GREB1: variants seen among roughly 807,000 people sequenced by gnomAD.
The protein encoded by GREB1 is growth regulating estrogen receptor binding 1.
Under a neutral mutation model 200.7 loss-of-function variants are expected in GREB1, and 106 were observed. The observed-to-expected ratio is 0.53, with a 90% CI of 0.45 to 0.62. The LOEUF (loss-of-function observed/expected upper bound fraction) is 0.62. Among genes scored for constraint, GREB1 ranks in the 20% least tolerant of loss-of-function variants. The pLI is 0.00. For synonymous variants in GREB1, 1,132 were observed against 1,092.4 expected (o/e 1.04, Z -0.72); for missense variants, 2,243 against 2,556.8 (o/e 0.88, Z 2.65).
chr2:11,516,688 T>A (rs1345565658), intron 1 of GREB1, among the ~76,000 whole-genome samples: 1 of 151,776 alleles, frequency 6.6e-6, no homozygotes, highest in African/African-American at 2.4e-5. Context: ...TTACCCAAGC[T>A]CCCCGCCCCA....
At position 11,629,874 on chromosome 2, in the gene GREB1, AGAGT is replaced by A; in HGVS notation, c.4450-72_4450-69del. On this transcript the variant is annotated intron_variant, in intron 25 of 32. Coordinates refer to ENST00000381486, the MANE Select transcript of GREB1 (RefSeq NM_014668.4). This position sits in a 1 kb window ranked among gnomAD's most constrained non-coding sequence, Gnocchi z 5.2. Reference sequence around the variant, plus strand: ...ACTGTGAGCTGCACGTTGTCACAGCAGAGTGGGCCTGGGGTCTTCTGGGAAGCAG... The same window carrying A: ...ACTGTGAGCTGCACGTTGTCACAGCAGGGCCTGGGGTCTTCTGGGAAGCAG... The A allele has an allele frequency of 6.9e-7, 1 of 1,454,584 alleles. No individual in the cohort carries two copies. Among genetic ancestry groups the A allele is most frequent in the Non-Finnish European group, 9.5e-7 (1 of 1,048,838 alleles). The allele number at this position is 1,454,584 out of a possible 1,614,324, so 90.1% of individuals were successfully genotyped here.
intron 1 of GREB1, among the ~76,000 whole-genome samples, chr2:11,501,905 G>GTTTTT (rs1204074491): frequency 4.9e-5 from 3 of 61,550 alleles, no homozygotes; most frequent in African/African-American, 1.5e-4. Context: ...GTTTTTTTTT[G>GTTTTT]TTTTTTTTTT....
In GREB1 at chr2:11,635,216, C is replaced by T. The variant is rs199765141; in HGVS notation, c.5211-54C>T. The T allele has an allele frequency of 2.8e-3, 4,542 of 1,607,532 alleles. 40 individuals are homozygous for T. Among genetic ancestry groups the T allele is most frequent in the South Asian group, 0.014 (1,283 of 90,348 alleles). ...ACACTCTAGGTGCTGGGGGCAGTGA[C>T]GGAGGGTGTGAGCTGTGCCCCATCA... On this transcript the variant is annotated intron_variant, in intron 29 of 32. Transcript: ENST00000381486.
intron 19 of GREB1, 144 bp from the exon 20 acceptor site, chr2:11,614,947 C>T: frequency 3.1e-6 from 2 of 654,832 alleles, no homozygotes; most frequent in East Asian, 5.3e-5. Context: ...CCCAGTAACA[C>T]TGTTGGCTTT....
intron 29 of GREB1, 152 bp from the exon 30 acceptor site, chr2:11,635,118 C>A: frequency 2.5e-6 from 2 of 814,656 alleles, no homozygotes; most frequent in Admixed American, 2.7e-5. Context: ...CTCATATTTC[C>A]CCTAGAGTAA....
intron 1 of GREB1, among the ~76,000 whole-genome samples, chr2:11,552,173 G>A (rs976635815): frequency 9.9e-5 from 15 of 152,206 alleles, no homozygotes; most frequent in Admixed American, 9.2e-4. Context: ...CTGTTGTTCG[G>A]CCATCATCAC....
intron 11 of GREB1, among the ~76,000 whole-genome samples, chr2:11,593,373 CTG>C (rs1680926067): frequency 6.6e-6 from 1 of 152,122 alleles, no homozygotes; most frequent in South Asian, 2.1e-4. Flanking sequence ...TGGAAAGACC[CTG>C]TTGAAAACCT....
chr2:11,624,751 G>A (rs912786294), intron 23 of GREB1, among the ~76,000 whole-genome samples: 2 of 152,184 alleles, frequency 1.3e-5, no homozygotes, highest in African/African-American at 4.8e-5. Flanking sequence ...ATGTGGCCCA[G>A]GACAGCTTTG....
intron 1 of GREB1, among the ~76,000 whole-genome samples, chr2:11,551,471 T>C (rs996597091): frequency 6.6e-6 from 1 of 152,258 alleles, no homozygotes; most frequent in African/African-American, 2.4e-5. Context: ...ATCATCGGTC[T>C]CTAGCTCTGC....
In GREB1 at chr2:11,635,349, G is replaced by T. The variant is rs758464621; in HGVS notation, c.5290G>T (p.Val1764Leu). The T allele has an allele frequency of 6.2e-7, 1 of 1,614,042 alleles. No individual in the cohort carries two copies. The highest frequency in any genetic ancestry group is 2.2e-5 in the East Asian group (1 of 44,888). Residue 1764 changes from valine to leucine, a missense_variant, in exon 30 of 33, where the codon GTG (valine) becomes TTG (leucine). Val to Leu is a conservative substitution (Grantham distance 32). Transcript: ENST00000381486. Reference sequence around the variant, plus strand: ...GCTCTGCCGGTTCAACCGCTTCAGCGTGATGAAGAAGCAGATCGTGGTGGG... The same window carrying T: ...GCTCTGCCGGTTCAACCGCTTCAGCTTGATGAAGAAGCAGATCGTGGTGGG... ...LLLCRFNRFSVMKKQIVVGGH... is the reference protein window; with the variant it reads ...LLLCRFNRFSLMKKQIVVGGH...
In GREB1 at chr2:11,610,924, C is replaced by T. The variant is rs771302956; in HGVS notation, c.2903C>T (p.Ala968Val). Residue 968 changes from alanine (A) to valine (V), a missense_variant, in exon 18 of 33, where the codon GCC (alanine) becomes GTC (valine). Coordinates refer to ENST00000381486, the MANE Select transcript of GREB1 (RefSeq NM_014668.4). ...PLAVVAYERL[A>V]HVRARLALEE... ...GCGGTGGTGGCCTATGAGCGGCTGGCCCACGTGCGGGCCCGGCTGGCGCTG... is the reference window on the plus strand; with the variant it reads ...GCGGTGGTGGCCTATGAGCGGCTGGTCCACGTGCGGGCCCGGCTGGCGCTG... 5.0e-6 allele frequency: 8 copies of T among 1,611,490 alleles called. No individual in the cohort carries two copies. The African/African-American group carries it at 6.7e-5, about 13-fold the overall frequency.
At chr2:11,562,610 C>T in intron 3 of GREB1, 28 bp downstream of exon 3, 1 of 1,552,768 alleles carries the variant, frequency 6.4e-7, no homozygotes, top group Non-Finnish European at 8.7e-7. Context: ...CCTGGCCAGG[C>T]AGTGCCTGCC....
rs1463230083 is a variant in GREB1, at chr2:11,634,253, C to T, written c.5114C>T (p.Ala1705Val). Residue 1705 changes from alanine to valine, a missense_variant, in exon 29 of 33, where the codon GCC becomes GTC. By Grantham distance (64) the Ala-to-Val change is moderately conservative (BLOSUM62 0). Transcript: ENST00000381486. ...GLRKWSSKTR[A>V]SEVQEPFSRC... ...CGGAAGTGGTCCAGCAAGACCCGGG[C>T]CAGCGAGGTGCAAGAGCCCTTCTCC... 1.9e-6 allele frequency: 3 copies of T among 1,614,186 alleles called. No homozygotes were observed. The South Asian group carries it at 3.3e-5, about 18-fold the overall frequency.
chr2:11,592,976 G>T lies in GREB1; in HGVS notation c.1546G>T (p.Val516Leu). ...GGCCGCCAGCTCCTGCAACGACAGC[G>T]TGCACGTCATCGAGTGTGCTTACTC... ...SLAASSCNDS[V>L]HVIECAYSLA... The change falls in exon 11 of 33, where the codon GTG becomes TTG. Residue 516 changes from valine to leucine, a missense_variant. By Grantham distance (32) the Val-to-Leu change is conservative. Coordinates refer to ENST00000381486, the MANE Select transcript of GREB1 (RefSeq NM_014668.4). 1 of 1,604,220 alleles carries T rather than the reference G, an allele frequency of 6.2e-7. No homozygotes were observed. Among genetic ancestry groups the T allele is most frequent in the Non-Finnish European group, 8.5e-7 (1 of 1,175,188 alleles).
At chr2:11,620,272 C>T (rs1005587706) in intron 22 of GREB1, among the ~76,000 whole-genome samples, 1 of 152,146 alleles carries the variant, frequency 6.6e-6, no homozygotes, top group African/African-American at 2.4e-5. Context: ...AGGAAACCCA[C>T]GCCTGTAGTG....
At chr2:11,578,570 T>C in intron 6 of GREB1, 139 bp downstream of exon 6, 1 of 827,102 alleles carries the variant, frequency 1.2e-6, no homozygotes. Context: ...ACCTTTACTT[T>C]CATCTTGAAT....
chr2:11,606,776 T>G (rs1369340311), intron 17 of GREB1, among the ~76,000 whole-genome samples: 1 of 146,018 alleles, frequency 6.8e-6, no homozygotes, highest in Non-Finnish European at 1.5e-5. Context: ...TTATTATTAT[T>G]ATTATTATTA....
At chr2:11,604,467 A>G (rs1328034752) in intron 17 of GREB1, among the ~76,000 whole-genome samples, 1 of 152,156 alleles carries the variant, frequency 6.6e-6, no homozygotes, top group East Asian at 1.9e-4. Flanking sequence ...CTCCACCACT[A>G]TTCACCATCA....
chr2:11,566,315 C>T (rs952747392), intron 3 of GREB1, among the ~76,000 whole-genome samples, 165 bp from the exon 4 acceptor site: 2 of 152,188 alleles, frequency 1.3e-5, no homozygotes, highest in African/African-American at 4.8e-5. Context: ...CCATGCCCAG[C>T]CAACTAAGAT....
Sources: gnomAD v4.1 joint callset for allele counts (sites outside exome capture counted in the v4.1 genomes callset) on GRCh38, gnomAD v4.1.1 for gene constraint, Gnocchi (gnomAD v3.1) non-coding constraint, MANE v1.5 for transcripts, NCBI Gene and HGNC (gene_info 2026-07-23, HGNC 2026-07-21) for gene names.